The following PALLD variants were observed in gnomAD, a reference collection of about 807,000 sequenced individuals.
The protein encoded by PALLD is palladin.
PALLD carries 61 observed loss-of-function variants against 123.5 expected under a neutral mutation model. The ratio of observed to expected loss-of-function variants is 0.49; its 90% CI spans 0.40 to 0.61. The LOEUF is 0.61. Among genes scored for constraint, PALLD ranks in the 20% least tolerant of loss-of-function variants. PALLD has a pLI of 0.00. For synonymous variants in PALLD, 465 were observed against 496.4 expected, an observed-to-expected ratio of 0.94 and a Z score of 0.84; for missense variants, 1,273 against 1,377.0, an observed-to-expected ratio of 0.92 and a Z score of 1.20.
intron 2 of PALLD, among the ~76,000 whole-genome samples, chr4:168,540,812 A>G (rs947826028): frequency 1.4e-5 from 2 of 145,628 alleles, no homozygotes; most frequent in Non-Finnish European, 2.9e-5. Context: ...GGAAGAAAAA[A>G]AAAAAAAAGC....
intron 2 of PALLD, among the ~76,000 whole-genome samples, chr4:168,604,958 G>T (rs2149739299): frequency 6.6e-6 from 1 of 152,278 alleles, no homozygotes; most frequent in South Asian, 2.1e-4. Context: ...TACCACTTTG[G>T]TTAACTGGAG....
chr4:168,538,937 A>C (rs940749985), intron 2 of PALLD, among the ~76,000 whole-genome samples: 1 of 152,144 alleles, frequency 6.6e-6, no homozygotes, highest in Non-Finnish European at 1.5e-5. Flanking sequence ...CTTCGTGTTC[A>C]TGTGGTTCAG....
chr4:168,586,613 C>A (rs146487714), intron 2 of PALLD, among the ~76,000 whole-genome samples: 1 of 152,222 alleles, frequency 6.6e-6, no homozygotes, highest in East Asian at 1.9e-4. Context: ...GGATTAGAAC[C>A]CAGTACTGGG....
At chr4:168,847,844 A>G (rs922267048) in intron 10 of PALLD, among the ~76,000 whole-genome samples, 8 of 152,112 alleles carry the variant, frequency 5.3e-5, no homozygotes, top group African/African-American at 1.4e-4. Context: ...CTGATACTTC[A>G]GTTTCTCACA....
At chr4:168,806,383 G>T (rs1476873629) in intron 10 of PALLD, among the ~76,000 whole-genome samples, 3 of 152,092 alleles carry the variant, frequency 2.0e-5, no homozygotes, top group African/African-American at 4.8e-5. Flanking sequence ...TTGTTTAAAA[G>T]TGTGTGGCAC....
At chr4:168,606,947 A>C (rs1327536957) in intron 2 of PALLD, among the ~76,000 whole-genome samples, 2 of 152,192 alleles carry the variant, frequency 1.3e-5, no homozygotes, top group Non-Finnish European at 2.9e-5. Context: ...GAGTTCCAAA[A>C]TTTAAGATGT....
chr4:168,610,629 C>T (rs1273186842), intron 2 of PALLD, among the ~76,000 whole-genome samples: 1 of 152,204 alleles, frequency 6.6e-6, no homozygotes, highest in Admixed American at 6.5e-5. Context: ...TAGAAATAAA[C>T]TCGTGCTCCC....
chr4:168,510,686 T>C (rs1762450211), intron 1 of PALLD, among the ~76,000 whole-genome samples: 1 of 152,228 alleles, frequency 6.6e-6, no homozygotes, highest in South Asian at 2.1e-4. Context: ...TAAAATGATA[T>C]AAAATTCAAA....
chr4:168,599,089 CAAAATAGCGA>C (rs1772284480), intron 2 of PALLD, among the ~76,000 whole-genome samples: 1 of 152,106 alleles, frequency 6.6e-6, no homozygotes, highest in South Asian at 2.1e-4. Flanking sequence ...GCCTGATCCC[CAAAATAGCGA>C]ATAGCCACTC....
intron 10 of PALLD, among the ~76,000 whole-genome samples, chr4:168,880,399 G>A (rs966927615): frequency 1.3e-5 from 2 of 152,196 alleles, no homozygotes; most frequent in African/African-American, 4.8e-5. Context: ...GGCAATACCA[G>A]ACTACAGATT....
At chr4:168,575,446 G>A (rs896935730) in intron 2 of PALLD, among the ~76,000 whole-genome samples, 2 of 151,974 alleles carry the variant, frequency 1.3e-5, no homozygotes, top group African/African-American at 4.8e-5. Context: ...CACGAGAACA[G>A]CATGGGGGAA....
At chr4:168,848,978 G>T (rs1472002088) in intron 10 of PALLD, among the ~76,000 whole-genome samples, 1 of 152,148 alleles carries the variant, frequency 6.6e-6, no homozygotes, top group African/African-American at 2.4e-5. Flanking sequence ...ATGAGAGGGG[G>T]TTATTTTGTA....
At chr4:168,854,792 C>G (rs773204507) in intron 10 of PALLD, among the ~76,000 whole-genome samples, 6 of 152,190 alleles carry the variant, frequency 3.9e-5, no homozygotes, top group Non-Finnish European at 7.3e-5. Context: ...TCCACTAAAG[C>G]TCATTTTTAA....
intron 10 of PALLD, among the ~76,000 whole-genome samples, chr4:168,847,429 T>TAC (rs1747030378): frequency 6.6e-6 from 1 of 152,214 alleles, no homozygotes; most frequent in Non-Finnish European, 1.5e-5. Flanking sequence ...CGTTGAAAGA[T>TAC]ACAAGATCAC....
At chr4:168,550,163 T>C (rs1023660961) in intron 2 of PALLD, among the ~76,000 whole-genome samples, 1 of 152,144 alleles carries the variant, frequency 6.6e-6, no homozygotes, top group African/African-American at 2.4e-5. Flanking sequence ...GGGCCTGGGA[T>C]TGTGGAGGGA....
At chr4:168,818,721 T>C (rs1170165236) in intron 10 of PALLD, among the ~76,000 whole-genome samples, 9 of 152,256 alleles carry the variant, frequency 5.9e-5, no homozygotes, top group Admixed American at 3.9e-4. Flanking sequence ...ATATTTTTTA[T>C]AATTTCAAAA....
chr4:168,741,677 C>T (rs1788358041), intron 10 of PALLD, among the ~76,000 whole-genome samples: 1 of 151,750 alleles, frequency 6.6e-6, no homozygotes, highest in Non-Finnish European at 1.5e-5. Context: ...GAGTACAATC[C>T]TATCTCAAAA....
chr4:168,920,762 G>C (rs969683130), intron 17 of PALLD, among the ~76,000 whole-genome samples: 7 of 152,136 alleles, frequency 4.6e-5, no homozygotes, highest in African/African-American at 1.7e-4. Context: ...TCAGTTTCAA[G>C]GATTATAAAA....
intron 1 of PALLD, among the ~76,000 whole-genome samples, chr4:168,498,630 T>C (rs911735612): frequency 6.6e-6 from 1 of 152,302 alleles, no homozygotes; most frequent in African/African-American, 2.4e-5. Context: ...ATTCAGGCCA[T>C]CTAGAGTTAA....
Sources: gnomAD v4.1 joint callset for allele counts (sites outside exome capture counted in the v4.1 genomes callset) on GRCh38, gnomAD v4.1.1 for gene constraint, MANE v1.5 for transcripts, NCBI Gene and HGNC (gene_info 2026-07-23, HGNC 2026-07-21) for gene names.